KDM6A: variants seen among roughly 807,000 people sequenced by gnomAD.
KDM6A encodes the protein lysine demethylase 6A.
A neutral mutation model predicts 117.6 loss-of-function variants in KDM6A; 11 were observed. The ratio of observed to expected loss-of-function variants is 0.09; its 90% CI spans 0.06 to 0.15. The LOEUF is 0.15. Ranked by LOEUF, KDM6A falls within the 10% of genes least tolerant of loss-of-function variation. The probability of loss-of-function intolerance (pLI) is 1.00; values close to 1 mark genes in which losing one functional copy is unlikely to be tolerated. For missense variants in KDM6A, 799 were observed against 1,077.3 expected (o/e 0.74, Z 3.62); for synonymous variants, 384 against 396.1 (o/e 0.97, Z 0.36).
chrX:44,910,478 CTTAT>C (rs1485070216), intron 2 of KDM6A, among the ~76,000 whole-genome samples: 1 of 101,554 alleles, frequency 9.8e-6, no homozygotes, highest in African/African-American at 3.6e-5. Flanking sequence ...TTTTCTTTAG[CTTAT>C]TTATTTTTGC....
chrX:45,025,948 T>C (rs1188682043), intron 6 of KDM6A, among the ~76,000 whole-genome samples: 4 of 111,911 alleles, frequency 3.6e-5, no homozygotes, highest in Non-Finnish European at 7.5e-5. Flanking sequence ...ATGAGAATTA[T>C]GGAGACAGTA....
Position 45,041,655 on chromosome X carries a change from G to A in KDM6A, c.654+3966G>A, listed in dbSNP as rs775351971. ...GTGCTCCCCACCTCTCAGACGATGG[G>A]CGGCCGGGCAGAGACGCTCCTCACT... On this transcript the variant is annotated intron_variant, in intron 8 of 29. Transcript: ENST00000611820. 2.7e-5 allele frequency among the ~76,000 whole-genome samples: 3 copies of A among 111,294 alleles called. No homozygotes were observed. In the Admixed American group the frequency reaches 2.8e-4, roughly 10 times the overall value.
chrX:45,043,211 G>A (rs1343896468), intron 8 of KDM6A, among the ~76,000 whole-genome samples: 1 of 111,208 alleles, frequency 9.0e-6, no homozygotes, highest in Non-Finnish European at 1.9e-5. Flanking sequence ...GATCTCTTGA[G>A]CCTGGGAGGT....
At chrX:44,895,082 A>AT (rs1407080964) in intron 2 of KDM6A, among the ~76,000 whole-genome samples, 2 of 77,933 alleles carry the variant, frequency 2.6e-5, no homozygotes, top group Non-Finnish European at 4.6e-5. Flanking sequence ...TATTTTATTT[A>AT]TTTATTTATT....
intron 2 of KDM6A, among the ~76,000 whole-genome samples, chrX:44,901,581 A>G (rs971653456): frequency 1.2e-4 from 13 of 110,945 alleles, no homozygotes; most frequent in Middle Eastern, 4.7e-3. Flanking sequence ...GCCTCCAACT[A>G]ATGTTGAATT....
chrX:44,948,248 C>T (rs772274402), intron 2 of KDM6A, among the ~76,000 whole-genome samples: 2 of 111,878 alleles, frequency 1.8e-5, no homozygotes, highest in South Asian at 7.4e-4. Flanking sequence ...AAGACTTTGG[C>T]TGCCCTGGCG....
At chrX:44,960,945 G>T (rs1211981710) in intron 2 of KDM6A, among the ~76,000 whole-genome samples, 2 of 111,896 alleles carry the variant, frequency 1.8e-5, no homozygotes, top group African/African-American at 6.5e-5. Context: ...ATATTTGAGA[G>T]CAGTTTTGTT....
At chrX:44,963,499 C>CTGTCTGTCTTTCTGTCTGTCTGTCTCTG (rs796328734) in intron 3 of KDM6A, among the ~76,000 whole-genome samples, 1 of 81,137 alleles carries the variant, frequency 1.2e-5, no homozygotes, top group East Asian at 3.8e-4. Flanking sequence ...GTCTGTCTGT[C>CTGTCTGTCTTTCTGTCTGTCTGTCTCTG]TCTGTCTGTC....
At chrX:44,893,001 T>TA (rs35013547) in intron 2 of KDM6A, among the ~76,000 whole-genome samples, 7,525 of 50,164 alleles carry the variant, frequency 0.15, 817 homozygotes, top group Middle Eastern at 0.29. Context: ...AGACTCCATC[T>TA]AAAAAAAAAA....
chrX:45,078,342 A>T, intron 19 of KDM6A, 58 bp from the exon 20 acceptor site: 1 of 1,046,903 alleles, frequency 9.6e-7, no homozygotes, highest in Non-Finnish European at 1.3e-6. Flanking sequence ...TTTGGAGCAT[A>T]ATATTTAAAT....
At chrX:44,887,850 A>G (rs1377250157) in intron 2 of KDM6A, among the ~76,000 whole-genome samples, 1 of 111,056 alleles carries the variant, frequency 9.0e-6, no homozygotes, top group Non-Finnish European at 1.9e-5. Context: ...AGAAATTTTT[A>G]AATTTAGATT....
intron 6 of KDM6A, among the ~76,000 whole-genome samples, chrX:45,026,961 T>C (rs976596865): frequency 1.8e-5 from 2 of 112,151 alleles, no homozygotes; most frequent in Non-Finnish European, 3.8e-5. Flanking sequence ...TGTTTCTTTA[T>C]TGACATTTTA....
chrX:44,970,796 A>C (rs5952662), intron 3 of KDM6A, among the ~76,000 whole-genome samples: 1 of 112,273 alleles, frequency 8.9e-6, no homozygotes, highest in South Asian at 3.7e-4. Flanking sequence ...TTCTCCAGGC[A>C]TGGTTTGAAG....
At chrX:45,096,376 T>G (rs1303973705) in intron 27 of KDM6A, among the ~76,000 whole-genome samples, 1 of 111,834 alleles carries the variant, frequency 8.9e-6, no homozygotes, top group Non-Finnish European at 1.9e-5. Context: ...TGTACTGCAT[T>G]GGTACCCAGG....
intron 27 of KDM6A, among the ~76,000 whole-genome samples, chrX:45,102,030 C>T (rs2046354547): frequency 9.0e-6 from 1 of 111,681 alleles, no homozygotes; most frequent in Middle Eastern, 4.7e-3. Flanking sequence ...CACTCTACAG[C>T]TCTTTCTATG....
intron 2 of KDM6A, among the ~76,000 whole-genome samples, chrX:44,921,262 G>A (rs2035918360): frequency 8.9e-6 from 1 of 111,925 alleles, no homozygotes; most frequent in South Asian, 3.7e-4. Context: ...GGGAGGTCTT[G>A]TGCACTCTTT....
chrX:45,035,984 C>A (rs1385539631), intron 7 of KDM6A, among the ~76,000 whole-genome samples: 1 of 111,889 alleles, frequency 8.9e-6, no homozygotes, highest in South Asian at 3.7e-4. Context: ...TAGGCGGGAG[C>A]CACCGCGCCC....
intron 2 of KDM6A, among the ~76,000 whole-genome samples, chrX:44,911,236 G>A (rs866149674): frequency 9.2e-6 from 1 of 108,910 alleles, no homozygotes; most frequent in African/African-American, 3.3e-5. Context: ...CGGACGGGGC[G>A]GCTGCCGGGC....
intron 7 of KDM6A, among the ~76,000 whole-genome samples, chrX:45,037,354 T>A (rs1183160335): frequency 8.9e-6 from 1 of 112,363 alleles, no homozygotes; most frequent in Non-Finnish European, 1.9e-5. Context: ...TTTTGAACTT[T>A]GTAAAACATA....
Sources: gnomAD v4.1 joint callset for allele counts (sites outside exome capture counted in the v4.1 genomes callset) on GRCh38, gnomAD v4.1.1 for gene constraint, MANE v1.5 for transcripts, NCBI Gene and HGNC (gene_info 2026-07-23, HGNC 2026-07-21) for gene names.